Variants in PTPRD observed in about 807,000 individuals in gnomAD.
The protein encoded by PTPRD is protein tyrosine phosphatase receptor type D.
PTPRD carries 34 observed loss-of-function variants against 214.5 expected under a neutral mutation model. The ratio of observed to expected loss-of-function variants is 0.16; its 90% CI spans 0.12 to 0.21. PTPRD has a LOEUF of 0.21. Ranked by LOEUF, PTPRD falls within the 10% of genes least tolerant of loss-of-function variation. The pLI is 1.00. For synonymous variants in PTPRD, 1,128 were observed against 845.7 expected (o/e 1.33, Z -5.79); for missense variants, 2,545 against 2,398.7 (o/e 1.06, Z -1.27).
chr9:9,887,881 C>T (rs1184401605), intron 5 of PTPRD, among the ~76,000 whole-genome samples: 1 of 151,994 alleles, frequency 6.6e-6, no homozygotes, highest in Non-Finnish European at 1.5e-5. Flanking sequence ...ACAAATAAGA[C>T]AAATGTGTCC....
At chr9:9,097,230 G>A (rs1244922495) in intron 10 of PTPRD, among the ~76,000 whole-genome samples, 1 of 152,060 alleles carries the variant, frequency 6.6e-6, no homozygotes, top group East Asian at 1.9e-4. Flanking sequence ...GTGGGCGAAG[G>A]ACTTGAGAAA....
chr9:10,494,689 T>A (rs1311781510), intron 2 of PTPRD, among the ~76,000 whole-genome samples: 2 of 151,274 alleles, frequency 1.3e-5, no homozygotes, highest in Admixed American at 6.6e-5. Flanking sequence ...TAAAAAAATT[T>A]TCTATTACGG....
At chr9:10,583,000 T>C (rs2072522716) in intron 2 of PTPRD, among the ~76,000 whole-genome samples, 1 of 152,244 alleles carries the variant, frequency 6.6e-6, no homozygotes, top group African/African-American at 2.4e-5. Flanking sequence ...CTAATGTCTA[T>C]ATTAGGCTAA....
chr9:9,159,426 T>C (rs567523106), intron 10 of PTPRD, among the ~76,000 whole-genome samples: 2 of 152,012 alleles, frequency 1.3e-5, no homozygotes, highest in Non-Finnish European at 2.9e-5. Context: ...TAATGAACTA[T>C]CCAAAAAAAT....
chr9:10,153,511 A>T (rs1367020628), intron 3 of PTPRD, among the ~76,000 whole-genome samples: 1 of 150,076 alleles, frequency 6.7e-6, no homozygotes, highest in East Asian at 1.9e-4. Flanking sequence ...TTTATATATT[A>T]TATATATATA....
chr9:8,452,473 C>T (rs1466584425), intron 33 of PTPRD, among the ~76,000 whole-genome samples: 1 of 152,146 alleles, frequency 6.6e-6, no homozygotes, highest in South Asian at 2.1e-4. Context: ...TTAGGCCCAA[C>T]ATGAATGTAA....
At chr9:9,669,335 C>A (rs1032343806) in intron 7 of PTPRD, among the ~76,000 whole-genome samples, 1 of 152,100 alleles carries the variant, frequency 6.6e-6, no homozygotes, top group Admixed American at 6.5e-5. Context: ...CATCTTGTTC[C>A]TGATTGGTAT....
chr9:10,559,782 T>C (rs2063448683), intron 2 of PTPRD, among the ~76,000 whole-genome samples: 1 of 152,022 alleles, frequency 6.6e-6, no homozygotes, highest in South Asian at 2.1e-4. Flanking sequence ...AGAAGACATT[T>C]ATGCAGCCAA....
intron 12 of PTPRD, among the ~76,000 whole-genome samples, chr9:8,672,988 C>T (rs182416383): frequency 6.6e-6 from 1 of 152,008 alleles, no homozygotes; most frequent in Non-Finnish European, 1.5e-5. Context: ...GAATCAGAAA[C>T]CTCCTATCCA....
At chr9:9,049,467 T>A (rs2099680461) in intron 10 of PTPRD, among the ~76,000 whole-genome samples, 1 of 152,186 alleles carries the variant, frequency 6.6e-6, no homozygotes, top group African/African-American at 2.4e-5. Flanking sequence ...GTTCACAGAT[T>A]TGCCATTTCG....
chr9:8,390,446 C>A (rs552939655), intron 36 of PTPRD, among the ~76,000 whole-genome samples: 1 of 152,220 alleles, frequency 6.6e-6, no homozygotes, highest in Admixed American at 6.5e-5. Context: ...CAGCCGCCAT[C>A]CCAGAAGGCC....
intron 12 of PTPRD, among the ~76,000 whole-genome samples, chr9:8,704,699 C>G (rs372133878): frequency 6.6e-6 from 1 of 150,852 alleles, no homozygotes; most frequent in Admixed American, 6.6e-5. Context: ...AGAAATGAGG[C>G]GAGCGGATCA....
At chr9:9,065,953 T>C (rs1216658681) in intron 10 of PTPRD, among the ~76,000 whole-genome samples, 1 of 152,182 alleles carries the variant, frequency 6.6e-6, no homozygotes, top group Non-Finnish European at 1.5e-5. Flanking sequence ...AGAATATGCA[T>C]GTAAAGCATA....
At chr9:9,416,106 A>G (rs945649289) in intron 8 of PTPRD, among the ~76,000 whole-genome samples, 19 of 152,280 alleles carry the variant, frequency 1.2e-4, no homozygotes, top group African/African-American at 4.1e-4. Flanking sequence ...TGTCTTCTAA[A>G]TATCTCTTGA....
At chr9:9,101,284 G>A (rs2099791010) in intron 10 of PTPRD, among the ~76,000 whole-genome samples, 1 of 152,124 alleles carries the variant, frequency 6.6e-6, no homozygotes, top group South Asian at 2.1e-4. Flanking sequence ...TTCATTGCTG[G>A]AAGAAATTTG....
intron 5 of PTPRD, among the ~76,000 whole-genome samples, chr9:9,788,216 C>G (rs1306277893): frequency 4.0e-5 from 6 of 151,806 alleles, no homozygotes; most frequent in African/African-American, 1.5e-4. Flanking sequence ...AGCTCCTAGT[C>G]AAATTTTCTT....
intron 11 of PTPRD, among the ~76,000 whole-genome samples, chr9:8,940,280 C>CCTTTGTTTTTTTTTTTTTTT (rs763715400): frequency 1.3e-4 from 12 of 89,044 alleles, no homozygotes; most frequent in Admixed American, 3.2e-4. Context: ...TCTCTCTCTC[C>CCTTTGTTTTTTTTTTTTTTT]TTTTTTTTTT....
chr9:10,107,609 T>G (rs955188347), intron 3 of PTPRD, among the ~76,000 whole-genome samples: 1 of 152,088 alleles, frequency 6.6e-6, no homozygotes, highest in Non-Finnish European at 1.5e-5. Context: ...ACATAATGCA[T>G]GTAATAGTAC....
At chr9:9,476,221 GA>G (rs1281687342) in intron 8 of PTPRD, among the ~76,000 whole-genome samples, 1 of 152,096 alleles carries the variant, frequency 6.6e-6, no homozygotes, top group East Asian at 1.9e-4. Context: ...ATCTCTTCTT[GA>G]TGTATAAACT....
Sources: allele counts gnomAD v4.1 joint callset (sites outside exome capture counted in the v4.1 genomes callset), GRCh38; gene constraint gnomAD v4.1.1; transcripts MANE v1.5; gene names NCBI Gene and HGNC (gene_info 2026-07-23, HGNC 2026-07-21).